The following SEC23IP variants were observed in gnomAD, a reference collection of about 807,000 sequenced individuals.
SEC23IP encodes the protein SEC23-interacting protein.
SEC23IP carries 70 observed loss-of-function variants against 113.4 expected under a neutral mutation model. The observed-to-expected ratio is 0.62, with a 90% confidence interval of 0.51 to 0.75. SEC23IP has a LOEUF of 0.75. Among genes scored for constraint, SEC23IP ranks in the 30% least tolerant of loss-of-function variants. The pLI is 0.00. For synonymous variants in SEC23IP, 398 were observed against 421.0 expected, an observed-to-expected ratio of 0.95 and a Z score of 0.67; for missense variants, 1,160 against 1,204.9, an observed-to-expected ratio of 0.96 and a Z score of 0.55.
rs544698903 is a variant in SEC23IP, at chr10:119,913,534, A to T, written c.1313-1196A>T. Among the ~76,000 whole-genome samples, 46 of 111,516 alleles carry T rather than the reference A, an allele frequency of 4.1e-4. 1 individual carries two copies. In the South Asian group the frequency reaches 0.016, roughly 39 times the overall value. 73.2% of individuals were successfully genotyped at this position (111,516 alleles called of 152,430 possible). A position where few individuals can be genotyped will look rare whatever the true frequency, so the allele number is the denominator to read the frequency against. On this transcript the variant is annotated intron_variant, in intron 6 of 18. Transcript: ENST00000369075. ...TGAATGGAGTCTCACTCTGTTGCCCAGGCTAGAGTGCAGTGGCGTGATCTG... is the reference window on the plus strand; with the variant it reads ...TGAATGGAGTCTCACTCTGTTGCCCTGGCTAGAGTGCAGTGGCGTGATCTG...
At chr10:119,895,746 C>G (rs1329028204) in intron 1 of SEC23IP, among the ~76,000 whole-genome samples, 1 of 152,108 alleles carries the variant, frequency 6.6e-6, no homozygotes, top group African/African-American at 2.4e-5. Flanking sequence ...TCAGATTTGG[C>G]AGGAGTTAGT....
intron 7 of SEC23IP, 35 bp from the exon 8 acceptor site, chr10:119,915,708 GAATTT>G (rs1365761775): frequency 7.0e-7 from 1 of 1,435,952 alleles, no homozygotes; most frequent in African/African-American, 1.4e-5. Context: ...CAAGCTAGGA[GAATTT>G]AATTTATTTT....
intron 7 of SEC23IP, among the ~76,000 whole-genome samples, chr10:119,915,360 TG>T (rs1855015529): frequency 6.7e-6 from 1 of 150,050 alleles, no homozygotes; most frequent in South Asian, 2.1e-4. Context: ...CCTGGGATAG[TG>T]GGGGTTGGGG....
rs762966895 is a variant in SEC23IP, at chr10:119,930,426, A to C, written c.2567A>C (p.His856Pro). The C allele has an allele frequency of 6.3e-7, 1 of 1,595,704 alleles. No individual in the cohort carries two copies. Among genetic ancestry groups the C allele is most frequent in the Non-Finnish European group, 8.6e-7 (1 of 1,166,220 alleles). Residue 856 changes from histidine to proline, a missense_variant, in exon 15 of 19, where the codon CAT (histidine) becomes CCT (proline). Physicochemically the swap from His to Pro is moderately conservative, Grantham distance 77. Transcript: ENST00000369075. ...CATCACAAAGGCAGAAAAAGACTTC[A>C]TTTAGGTAAAAAGCAAATACTATAA... The part of the protein sequence containing the change: ...IPHHKGRKRL[H>P]LELKESLSRM...
In SEC23IP at chr10:119,911,424, C is replaced by G. The variant is rs559900046; in HGVS notation, c.1192-620C>G. On this transcript the variant is annotated intron_variant, in intron 5 of 18. Coordinates refer to ENST00000369075, the MANE Select transcript of SEC23IP (RefSeq NM_007190.4). ...TACAGGCATGAGCCACTGCACCGGG[C>G]CTGTCCTTGATTTCTTTTGTGTAAA... Among the ~76,000 whole-genome samples the G allele has an allele frequency of 2.0e-5, 3 of 151,918 alleles. No individual in the cohort carries two copies. In the East Asian group the frequency reaches 5.8e-4, roughly 29 times the overall value.
At chr10:119,918,338 TTA>T in intron 9 of SEC23IP, 53 bp from the exon 10 acceptor site, 2 of 1,027,368 alleles carry the variant, frequency 1.9e-6, no homozygotes, top group Non-Finnish European at 3.0e-6. Context: ...GAAAAAAGAA[TTA>T]GTGTTATAAA....
chr10:119,907,236 C>T (rs548205815), intron 4 of SEC23IP, among the ~76,000 whole-genome samples: 173 of 151,376 alleles, frequency 1.1e-3, no homozygotes, highest in African/African-American at 4.1e-3. Context: ...GCGGAGGTTG[C>T]GGTGAGCTGA....
At chr10:119,917,450 C>T (rs926409254) in intron 8 of SEC23IP, among the ~76,000 whole-genome samples, 2 of 151,566 alleles carry the variant, frequency 1.3e-5, no homozygotes, top group Admixed American at 1.3e-4. Context: ...GCAGTCTCAG[C>T]TCACTGCAAC....
chr10:119,913,666 A>G (rs1002668466), intron 6 of SEC23IP, among the ~76,000 whole-genome samples: 3 of 151,280 alleles, frequency 2.0e-5, no homozygotes, highest in African/African-American at 7.3e-5. Flanking sequence ...TAATTTTTGT[A>G]TTTTTAGTGG....
Position 119,920,924 on chromosome 10 carries a change from G to T in SEC23IP, c.2061G>T (p.Gly687=), listed in dbSNP as rs761443816. ...MCTVDDLKEM[G]IPLGPRKKIA... is the part of the protein sequence containing the mutation. ...CAGTTGATGACCTGAAGGAAATGGG[G>T]ATACCCCTTGGACCCAGAAAGAAGA... Residue 687 remains glycine (G), a synonymous_variant, in exon 12 of 19, where the codon GGG becomes GGT. Coordinates refer to ENST00000369075, the MANE Select transcript of SEC23IP (RefSeq NM_007190.4). 2.2e-5 allele frequency: 35 copies of T among 1,613,560 alleles called. No homozygotes were observed. Among genetic ancestry groups the T allele is most frequent in the Non-Finnish European group, 3.0e-5 (35 of 1,179,692 alleles).
chr10:119,925,759 C>T (rs1433187353), intron 12 of SEC23IP, among the ~76,000 whole-genome samples: 1 of 152,100 alleles, frequency 6.6e-6, no homozygotes, highest in Admixed American at 6.6e-5. Context: ...CCAGGTTGGT[C>T]TTGAACTCCT....
intron 2 of SEC23IP, 95 bp from the exon 3 acceptor site, chr10:119,902,704 A>T (rs1035984632): frequency 3.1e-6 from 3 of 954,676 alleles, no homozygotes; most frequent in South Asian, 3.0e-5. Context: ...CCAGATATAC[A>T]TGTAGGATAA....
chr10:119,903,512 G>T (rs1854564463), intron 3 of SEC23IP, among the ~76,000 whole-genome samples: 1 of 152,024 alleles, frequency 6.6e-6, no homozygotes, highest in Non-Finnish European at 1.5e-5. Flanking sequence ...TTATATCACT[G>T]TATTATTGTA....
intron 17 of SEC23IP, among the ~76,000 whole-genome samples, 174 bp from the exon 18 acceptor site, chr10:119,933,512 T>A (rs752689069): frequency 1.3e-5 from 2 of 152,218 alleles, no homozygotes; most frequent in South Asian, 2.1e-4. Context: ...CATCTAGTTT[T>A]TAAGGACAGC....
chr10:119,924,956 T>G (rs562815737), intron 12 of SEC23IP, among the ~76,000 whole-genome samples: 1 of 152,092 alleles, frequency 6.6e-6, no homozygotes, highest in Admixed American at 6.5e-5. Flanking sequence ...TTTTCTGTTT[T>G]TTTAGAGATG....
intron 4 of SEC23IP, among the ~76,000 whole-genome samples, chr10:119,905,218 A>G (rs892708883): frequency 3.9e-5 from 6 of 152,142 alleles, no homozygotes; most frequent in African/African-American, 1.2e-4. Context: ...AGGAATGCTG[A>G]TATCTATAGC....
intron 15 of SEC23IP, among the ~76,000 whole-genome samples, chr10:119,931,436 A>G (rs1410170742): frequency 6.6e-6 from 1 of 151,208 alleles, no homozygotes; most frequent in Non-Finnish European, 1.5e-5. Context: ...CAGGCCTCAA[A>G]TGATTCTCTC....
At chr10:119,913,582 G>A (rs61867975) in intron 6 of SEC23IP, among the ~76,000 whole-genome samples, 8,275 of 150,074 alleles carry the variant, frequency 0.055, 438 homozygotes, top group South Asian at 0.27. Context: ...ACCTGCACCC[G>A]CTGGGTTCAA....
At position 119,892,780 on chromosome 10, in the gene SEC23IP, G is replaced by T. The variant is rs753395779; in HGVS notation, c.-3G>T. The stretch of plus-strand genomic sequence containing the variant: ...GACGTGTATCGGACGGTGGGCCGCA[G>T]CCATGGCCGAGAGAAAACCTAACGG... On this transcript the variant is annotated 5_prime_UTR_variant, in exon 1 of 19. Transcript: ENST00000369075. The T allele has an allele frequency of 6.2e-7, 1 of 1,606,104 alleles. No individual in the cohort carries two copies. Among genetic ancestry groups the T allele is most frequent in the Non-Finnish European group, 8.5e-7 (1 of 1,176,130 alleles).
Sources: allele counts gnomAD v4.1 joint callset (sites outside exome capture counted in the v4.1 genomes callset), GRCh38; gene constraint gnomAD v4.1.1; transcripts MANE v1.5; gene names NCBI Gene and HGNC (gene_info 2026-07-23, HGNC 2026-07-21).